Variants in TUSC3 observed in about 807,000 individuals in gnomAD.
TUSC3 encodes tumor suppressor candidate 3.
In TUSC3, 45 loss-of-function variants were observed where a neutral mutation model predicts 44.8. The observed-to-expected ratio is 1.00, with a 90% CI of 0.79 to 1.29. TUSC3 has a LOEUF of 1.29. Ranked by LOEUF, TUSC3 falls within the 50% of genes most tolerant of loss-of-function variation. The pLI is 0.00. For synonymous variants in TUSC3, 212 were observed against 152.9 expected, an observed-to-expected ratio of 1.39 and a Z score of -2.85; for missense variants, 519 against 437.9, an observed-to-expected ratio of 1.19 and a Z score of -1.65.
At chr8:15,478,313 T>A (rs1248937616) in intron 1 of TUSC3, among the ~76,000 whole-genome samples, 1 of 152,134 alleles carries the variant, frequency 6.6e-6, no homozygotes, top group African/African-American at 2.4e-5. Context: ...ATGTACAGGA[T>A]GTGCAGGGTT....
chr8:15,767,505 C>T (rs1175932960), downstream of TUSC3, among the ~76,000 whole-genome samples: 1 of 151,130 alleles, frequency 6.6e-6, no homozygotes, highest in African/African-American at 2.4e-5. Flanking sequence ...TACCAAACCA[C>T]TGTTTAAAAC....
chr8:15,569,891 G>C (rs986070117), intron 1 of TUSC3, among the ~76,000 whole-genome samples: 1 of 148,576 alleles, frequency 6.7e-6, no homozygotes, highest in Non-Finnish European at 1.5e-5. Context: ...CTTTAGTGCT[G>C]CTTATTTCTC....
rs1415290422 is a variant in TUSC3, at chr8:15,659,704, G to A, written c.567+57G>A. 9.4e-6 allele frequency: 15 copies of A among 1,599,098 alleles called. 1 individual carries two copies. The Middle Eastern group carries it at 1.8e-3, about 194-fold the overall frequency. On this transcript the variant is annotated intron_variant, in intron 4 of 10. Coordinates refer to ENST00000503731, the MANE Select transcript of TUSC3 (RefSeq NM_006765.4). Reference sequence around the variant, plus strand: ...AGGCTGGTTAGTTTGTTTTTATGGAGCATTTTAATAAGGCCACAGTAATAC... The same window carrying A: ...AGGCTGGTTAGTTTGTTTTTATGGAACATTTTAATAAGGCCACAGTAATAC...
At chr8:15,419,055 A>G (rs115711772) in intron 1 of TUSC3, among the ~76,000 whole-genome samples, 1 of 152,110 alleles carries the variant, frequency 6.6e-6, no homozygotes, top group Admixed American at 6.5e-5. Flanking sequence ...CTTGCAGCCA[A>G]ATTTCATGTG....
intron 6 of TUSC3, among the ~76,000 whole-genome samples, chr8:15,723,860 A>C (rs1453296021): frequency 2.6e-5 from 4 of 152,178 alleles, no homozygotes; most frequent in African/African-American, 9.7e-5. Flanking sequence ...AAGGAGACTC[A>C]GGACTAGTAT....
At chr8:15,719,263 G>C (rs1334776554) in intron 6 of TUSC3, among the ~76,000 whole-genome samples, 1 of 151,774 alleles carries the variant, frequency 6.6e-6, no homozygotes, top group Non-Finnish European at 1.5e-5. Flanking sequence ...AGGCCTTCAT[G>C]CTGGCCATTA....
intron 2 of TUSC3, among the ~76,000 whole-genome samples, chr8:15,500,965 T>C (rs886570007): frequency 2.6e-5 from 4 of 152,224 alleles, no homozygotes; most frequent in African/African-American, 7.2e-5. Context: ...TAAATTCTTA[T>C]AAGGTACAGA....
chr8:15,501,160 T>A (rs561932670), intron 2 of TUSC3, among the ~76,000 whole-genome samples: 1 of 152,180 alleles, frequency 6.6e-6, no homozygotes, highest in Non-Finnish European at 1.5e-5. Flanking sequence ...TCCTGACCTT[T>A]AACCACAAAA....
intron 7 of TUSC3, among the ~76,000 whole-genome samples, chr8:15,736,358 A>G (rs1252044170): frequency 6.6e-6 from 1 of 152,228 alleles, no homozygotes; most frequent in Non-Finnish European, 1.5e-5. Context: ...ATGAAGTGAA[A>G]ATATGCAGTT....
chr8:15,522,682 C>T (rs1289018329), intron 2 of TUSC3, among the ~76,000 whole-genome samples: 1 of 151,982 alleles, frequency 6.6e-6, no homozygotes, highest in African/African-American at 2.4e-5. Flanking sequence ...TACAGAAATC[C>T]AATCCAGGAG....
chr8:15,571,514 T>C (rs1563295980), intron 1 of TUSC3, among the ~76,000 whole-genome samples: 1 of 152,184 alleles, frequency 6.6e-6, no homozygotes, highest in African/African-American at 2.4e-5. Context: ...AAATATGATC[T>C]TCTGAGCCTT....
In TUSC3 at chr8:15,646,691, G is replaced by A. The variant is rs146968002; in HGVS notation, c.309-4006G>A. ...TTCTTGTTTATAAAAAAGAACTGCAGAAGAGGCCCTTGCACTCATCTGATT... is the reference window on the plus strand; with the variant it reads ...TTCTTGTTTATAAAAAAGAACTGCAAAAGAGGCCCTTGCACTCATCTGATT... On this transcript the variant is annotated intron_variant, in intron 2 of 10. Coordinates refer to ENST00000503731, the MANE Select transcript of TUSC3 (RefSeq NM_006765.4). 5.2e-3 allele frequency among the ~76,000 whole-genome samples: 794 copies of A among 152,144 alleles called. 7 individuals are homozygous for A. The highest frequency in any genetic ancestry group is 0.018 in the African/African-American group (753 of 41,530).
chr8:15,420,538 T>C (rs1246355524), intron 1 of TUSC3, among the ~76,000 whole-genome samples: 1 of 152,048 alleles, frequency 6.6e-6, no homozygotes, highest in Non-Finnish European at 1.5e-5. Context: ...TGCTTCTGTA[T>C]GAAACAAAAC....
the TUSC3 span, among the ~76,000 whole-genome samples, chr8:15,834,484 A>T: frequency 2.6e-5 from 4 of 152,148 alleles, no homozygotes; most frequent in African/African-American, 9.7e-5. Flanking sequence ...TGTTTTTTAG[A>T]CTGAAACAGG....
the TUSC3 span, among the ~76,000 whole-genome samples, chr8:15,795,760 C>T: frequency 6.2e-3 from 941 of 152,326 alleles, 7 homozygotes; most frequent in Non-Finnish European, 7.8e-3. Flanking sequence ...TCCAGTGTGG[C>T]TGCCCAAACG....
the TUSC3 span, among the ~76,000 whole-genome samples, chr8:15,823,303 T>C: frequency 6.6e-6 from 1 of 152,170 alleles, no homozygotes; most frequent in Non-Finnish European, 1.5e-5. Flanking sequence ...TTTTCATTAT[T>C]TCTTTTTATT....
intron 2 of TUSC3, among the ~76,000 whole-genome samples, chr8:15,639,899 G>T (rs1304457387): frequency 1.3e-5 from 2 of 149,500 alleles, no homozygotes; most frequent in Non-Finnish European, 3.0e-5. Context: ...CCATAATACA[G>T]TGAACAAAAT....
chr8:15,704,685 C>T (rs926740129), intron 6 of TUSC3, among the ~76,000 whole-genome samples: 4 of 151,918 alleles, frequency 2.6e-5, no homozygotes, highest in African/African-American at 9.7e-5. Flanking sequence ...GCCCCTGTGT[C>T]TGTCTGTACA....
chr8:15,764,159 T>C lies in TUSC3; in HGVS notation c.*47-44T>C, dbSNP rs1380344566. The C allele has an allele frequency of 2.0e-6, 3 of 1,523,054 alleles. No individual in the cohort carries two copies. The Admixed American group carries it at 5.1e-5, about 26-fold the overall frequency. 94.3% of individuals were successfully genotyped at this position (1,523,054 alleles called of 1,614,324 possible). A position where few individuals can be genotyped will look rare whatever the true frequency, so the allele number is the denominator to read the frequency against. ...GAATAACAAACATATTGTATTTTCC[T>C]TATGTTCTATGTTCAGCACATAATA... On this transcript the variant is annotated intron_variant, in intron 10 of 10. Transcript: ENST00000503731.
Sources: gnomAD v4.1 joint callset for allele counts (sites outside exome capture counted in the v4.1 genomes callset) on GRCh38, gnomAD v4.1.1 for gene constraint, MANE v1.5 for transcripts, NCBI Gene and HGNC (gene_info 2026-07-23, HGNC 2026-07-21) for gene names.